BACH1: variants seen among roughly 807,000 people sequenced by gnomAD.
BACH1 encodes BTB domain and CNC homolog 1.
BACH1 carries 35 observed loss-of-function variants against 52.9 expected under a neutral mutation model. The ratio of observed to expected loss-of-function variants is 0.66; its 90% CI spans 0.51 to 0.88. The LOEUF is 0.88. Among genes scored for constraint, BACH1 ranks in the 40% least tolerant of loss-of-function variants. The probability of loss-of-function intolerance (pLI) is 0.00; values close to 1 mark genes in which losing one functional copy is unlikely to be tolerated. For missense variants in BACH1, 808 were observed against 872.6 expected, an observed-to-expected ratio of 0.93 and a Z score of 0.93; for synonymous variants, 321 against 319.6, an observed-to-expected ratio of 1.00 and a Z score of -0.05.
At chr21:29,358,802 GAAAGAAAGAA>G (rs1163252516) in intron 2 of BACH1, among the ~76,000 whole-genome samples, 9 of 129,534 alleles carry the variant, frequency 6.9e-5, no homozygotes, top group Non-Finnish European at 1.4e-4. Flanking sequence ...AAGAAAGAAA[GAAAGAAAGAA>G]AGAAGAAAGA....
intron 4 of BACH1, among the ~76,000 whole-genome samples, chr21:29,336,357 C>T (rs757269309): frequency 1.4e-4 from 21 of 152,140 alleles, no homozygotes; most frequent in Non-Finnish European, 2.2e-4. Flanking sequence ...TATATTGTGT[C>T]GCCTAGGGAG....
intron 2 of BACH1, among the ~76,000 whole-genome samples, chr21:29,324,829 T>A (rs150363037): frequency 6.6e-6 from 1 of 152,198 alleles, no homozygotes; most frequent in Non-Finnish European, 1.5e-5. Flanking sequence ...ACTAGCAATA[T>A]GTGAGTGATT....
chr21:29,324,556 TTGTGTGTGTGTGTG>T (rs59785894), intron 2 of BACH1, among the ~76,000 whole-genome samples: 82 of 145,326 alleles, frequency 5.6e-4, no homozygotes, highest in African/African-American at 9.8e-4. Context: ...TGGATGTACC[TTGTGTGTGTGTGTG>T]TGTGTGTGTG....
At chr21:29,314,196 G>A (rs2088760775) in intron 1 of BACH1, among the ~76,000 whole-genome samples, 1 of 152,204 alleles carries the variant, frequency 6.6e-6, no homozygotes, top group Non-Finnish European at 1.5e-5. Context: ...AGGTATAACA[G>A]TGGAATCTGT....
chr21:29,358,664 C>T (rs2089249321), intron 2 of BACH1, among the ~76,000 whole-genome samples: 1 of 151,752 alleles, frequency 6.6e-6, no homozygotes, highest in African/African-American at 2.4e-5. Context: ...TGCTTGACCT[C>T]AGGAGGCAGA....
At position 29,327,015 on chromosome 21, in the gene BACH1, A is replaced by G. The variant is rs2088921271; in HGVS notation, c.1191A>G (p.Leu397=). ...TGGAGCGAGAAGTGGCAGAACACCT[A>G]GCAAAAGGCTTCTGGAGTGACATTT... ...SSVEREVAEH[L]AKGFWSDICS... Residue 397 remains leucine, a synonymous_variant, in exon 3 of 5, where the codon CTA becomes CTG. Coordinates refer to ENST00000286800, the MANE Select transcript of BACH1 (RefSeq NM_001186.4). 6.2e-7 allele frequency: 1 copy of G among 1,613,910 alleles called. No homozygotes were observed. Among genetic ancestry groups the G allele is most frequent in the Non-Finnish European group, 8.5e-7 (1 of 1,180,000 alleles).
intron 1 of BACH1, among the ~76,000 whole-genome samples, chr21:29,315,539 A>C (rs2088775852): frequency 6.6e-6 from 1 of 152,218 alleles, no homozygotes; most frequent in Non-Finnish European, 1.5e-5. Flanking sequence ...ACTGGGCTGC[A>C]GATCAGGGCA....
At chr21:29,327,943 T>C (rs1410572089) in intron 3 of BACH1, among the ~76,000 whole-genome samples, 1 of 152,234 alleles carries the variant, frequency 6.6e-6, no homozygotes, top group Non-Finnish European at 1.5e-5. Flanking sequence ...TTGGCTGTGT[T>C]CACACATCGG....
intron 1 of BACH1, among the ~76,000 whole-genome samples, chr21:29,315,033 G>A (rs754631002): frequency 2.6e-5 from 4 of 152,072 alleles, no homozygotes; most frequent in Admixed American, 6.5e-5. Flanking sequence ...CAGACTTTCT[G>A]ATGTTAAGTT....
downstream of BACH1, among the ~76,000 whole-genome samples, chr21:29,346,309 T>C (rs2089167755): frequency 1.3e-5 from 2 of 152,218 alleles, no homozygotes; most frequent in Non-Finnish European, 2.9e-5. Flanking sequence ...TTCAGGTGTT[T>C]TAGGAAGCAC....
intron 4 of BACH1, among the ~76,000 whole-genome samples, chr21:29,340,665 G>T (rs1470352444): frequency 1.3e-5 from 2 of 152,142 alleles, no homozygotes; most frequent in African/African-American, 2.4e-5. Flanking sequence ...TGGTAGAGGA[G>T]TCCATGGCTG....
intron 4 of BACH1, 39 bp downstream of exon 4, chr21:29,329,732 C>A: frequency 2.2e-6 from 3 of 1,378,162 alleles, no homozygotes; most frequent in Non-Finnish European, 2.9e-6. Flanking sequence ...TAAATTCCAC[C>A]ACTTTCTTTT....
chr21:29,302,257 A>C (rs761778915), intron 1 of BACH1, among the ~76,000 whole-genome samples: 27 of 152,334 alleles, frequency 1.8e-4, no homozygotes, highest in Non-Finnish European at 1.8e-4. Context: ...TAATGTACCG[A>C]TGGCCAAGGT....
At chr21:29,340,124 T>C (rs2089094530) in intron 4 of BACH1, among the ~76,000 whole-genome samples, 1 of 152,252 alleles carries the variant, frequency 6.6e-6, no homozygotes, top group Non-Finnish European at 1.5e-5. Context: ...CACTCATGAC[T>C]GTAAGTAGTG....
intron 4 of BACH1, among the ~76,000 whole-genome samples, chr21:29,338,082 AAAAG>A (rs1371498021): frequency 1.3e-5 from 2 of 152,206 alleles, no homozygotes; most frequent in African/African-American, 4.8e-5. Context: ...AATAAAATAA[AAAAG>A]AAAGGATGTG....
rs375476274 is a variant in BACH1 at position 29,329,560 on chromosome 21, A to G, written c.1643A>G (p.His548Arg). 6.2e-7 allele frequency: 1 copy of G among 1,604,504 alleles called. No homozygotes were observed. Among genetic ancestry groups the G allele is most frequent in the African/African-American group, 1.3e-5 (1 of 74,560 alleles). The change falls in exon 4 of 5, where the codon CAC becomes CGC. Residue 548 changes from histidine (H) to arginine (R), a missense_variant. Coordinates refer to ENST00000286800, the MANE Select transcript of BACH1 (RefSeq NM_001186.4). Reference protein sequence around the residue: ...RNDFQSLLKMHKLTPEQLDCI... With the variant: ...RNDFQSLLKMRKLTPEQLDCI... The stretch of plus-strand genomic sequence containing the variant: ...GATTTTCAGTCCTTGTTGAAAATGC[A>G]CAAGCTTACTCCAGAACAGCTGGAT...
rs1409090070 is a variant in BACH1 at position 29,344,915 on chromosome 21, T to C, written c.*2082T>C. On this transcript the variant is annotated 3_prime_UTR_variant, in exon 5 of 5. Coordinates refer to ENST00000286800, the MANE Select transcript of BACH1 (RefSeq NM_001186.4). ...TGCTACTGTACTTGCTTTGAAAGATTACCTACTATTTTATGATAAAATGTA... is the reference window on the plus strand; with the variant it reads ...TGCTACTGTACTTGCTTTGAAAGATCACCTACTATTTTATGATAAAATGTA... The C allele has an allele frequency of 6.6e-6, 1 of 152,644 alleles. No individual in the cohort carries two copies. Among genetic ancestry groups the C allele is most frequent in the East Asian group, 1.9e-4 (1 of 5,202 alleles). 9.5% of individuals were successfully genotyped at this position (152,644 alleles called of 1,614,324 possible).
chr21:29,340,442 G>C (rs1476995059), intron 4 of BACH1, among the ~76,000 whole-genome samples: 1 of 152,198 alleles, frequency 6.6e-6, no homozygotes, highest in Non-Finnish European at 1.5e-5. Context: ...AGTGGGGTGG[G>C]AGGAGTGAGA....
rs777938054 is a variant in BACH1, at chr21:29,326,384, G to T, written c.560G>T (p.Arg187Leu). Residue 187 changes from arginine (R) to leucine (L), a missense_variant, in exon 3 of 5, where the codon CGC (arginine) becomes CTC (leucine). Physicochemically the swap from Arg to Leu is moderately radical, Grantham distance 102. Coordinates refer to ENST00000286800, the MANE Select transcript of BACH1 (RefSeq NM_001186.4). ...KNVQTPQCKL[R>L]RYQGNAKASP... The stretch of plus-strand genomic sequence containing the variant: ...GTTCAGACTCCTCAGTGTAAACTCC[G>T]CAGGTATCAAGGAAATGCAAAAGCC... 3.7e-6 allele frequency: 6 copies of T among 1,614,160 alleles called. No individual in the cohort carries two copies. The South Asian group carries it at 4.4e-5, about 12-fold the overall frequency.
Sources: gnomAD v4.1 joint callset for allele counts (sites outside exome capture counted in the v4.1 genomes callset) on GRCh38, gnomAD v4.1.1 for gene constraint, MANE v1.5 for transcripts, NCBI Gene and HGNC (gene_info 2026-07-23, HGNC 2026-07-21) for gene names.